The following PKIA variants were observed in gnomAD, a reference collection of about 807,000 sequenced individuals.
PKIA encodes the protein PKI-alpha.
PKIA carries 4 observed loss-of-function variants against 7.6 expected under a neutral mutation model. The observed-to-expected ratio is 0.52, with a 90% CI of 0.26 to 1.20. PKIA has a LOEUF of 1.20. Ranked by LOEUF, PKIA falls within the 50% of genes most tolerant of loss-of-function variation. The probability of loss-of-function intolerance (pLI) is 0.13; values close to 1 mark genes in which losing one functional copy is unlikely to be tolerated. For missense variants in PKIA, 73 were observed against 86.2 expected, an observed-to-expected ratio of 0.85 and a Z score of 0.61; for synonymous variants, 21 against 30.7, an observed-to-expected ratio of 0.68 and a Z score of 1.04.
At chr8:78,535,559 G>A (rs943465485) in intron 1 of PKIA, 1 of 151,790 alleles carries the variant, frequency 6.6e-6, no homozygotes, top group Non-Finnish European at 1.5e-5. Context: ...AAACTGCTGG[G>A]GGAGGAGGAA....
intron 1 of PKIA, among the ~76,000 whole-genome samples, chr8:78,525,017 A>G (rs1370268653): frequency 1.3e-5 from 2 of 151,878 alleles, no homozygotes; most frequent in Admixed American, 1.3e-4. Context: ...GGAGTAAATT[A>G]TGGATAGAAC....
chr8:78,593,842 T>A (rs764547063), intron 2 of PKIA, among the ~76,000 whole-genome samples: 1 of 148,022 alleles, frequency 6.8e-6, no homozygotes, highest in Non-Finnish European at 1.5e-5. Context: ...TATCTGGTAC[T>A]CAGGTCCTTC....
At chr8:78,582,826 C>T (rs909600963) in intron 2 of PKIA, among the ~76,000 whole-genome samples, 1 of 152,030 alleles carries the variant, frequency 6.6e-6, no homozygotes, top group Non-Finnish European at 1.5e-5. Flanking sequence ...TGTAAGAGGG[C>T]GATGATAAAG....
intron 1 of PKIA, among the ~76,000 whole-genome samples, chr8:78,542,535 T>C (rs1046219214): frequency 6.6e-6 from 1 of 152,162 alleles, no homozygotes; most frequent in Non-Finnish European, 1.5e-5. Flanking sequence ...CCAACCACTA[T>C]CTGTTCTGCA....
At chr8:78,587,150 T>A (rs992458132) in intron 2 of PKIA, among the ~76,000 whole-genome samples, 3 of 152,230 alleles carry the variant, frequency 2.0e-5, no homozygotes, top group African/African-American at 7.2e-5. Flanking sequence ...TGTTCTAATA[T>A]CCTTTGAAAA....
chr8:78,583,541 G>A (rs543706781), intron 2 of PKIA, among the ~76,000 whole-genome samples: 5 of 152,200 alleles, frequency 3.3e-5, no homozygotes, highest in African/African-American at 4.8e-5. Context: ...TGTAAGTCTC[G>A]AAATGCTGTT....
At chr8:78,565,674 C>T (rs1387585362) in intron 1 of PKIA, among the ~76,000 whole-genome samples, 1 of 151,916 alleles carries the variant, frequency 6.6e-6, no homozygotes, top group Admixed American at 6.6e-5. Flanking sequence ...CCTACATACA[C>T]AACCCTAAAG....
intron 1 of PKIA, among the ~76,000 whole-genome samples, chr8:78,518,319 T>C (rs1201268228): frequency 6.6e-6 from 1 of 152,210 alleles, no homozygotes; most frequent in African/African-American, 2.4e-5. Context: ...TGGTTTGAAA[T>C]ATTAACTTCT....
At chr8:78,597,580 T>C (rs903068551) in intron 2 of PKIA, among the ~76,000 whole-genome samples, 1 of 151,888 alleles carries the variant, frequency 6.6e-6, no homozygotes, top group Non-Finnish European at 1.5e-5. Context: ...ACTTTTTACT[T>C]AGCACCCCCC....
At chr8:78,574,847 C>T (rs1807636531) in intron 2 of PKIA, among the ~76,000 whole-genome samples, 1 of 151,876 alleles carries the variant, frequency 6.6e-6, no homozygotes, top group Non-Finnish European at 1.5e-5. Flanking sequence ...GGAGATGTAG[C>T]TATCATTTTT....
At chr8:78,553,524 T>C (rs1015878940) in intron 1 of PKIA, among the ~76,000 whole-genome samples, 2 of 152,054 alleles carry the variant, frequency 1.3e-5, no homozygotes, top group Non-Finnish European at 2.9e-5. Context: ...CTGTCTCTTA[T>C]GTAAATACTA....
intron 2 of PKIA, among the ~76,000 whole-genome samples, chr8:78,590,403 T>C (rs1808066441): frequency 6.6e-6 from 1 of 152,072 alleles, no homozygotes; most frequent in Non-Finnish European, 1.5e-5. Context: ...TGACTTCAGA[T>C]TCCACATTGA....
At chr8:78,524,186 A>ATATAAATATATG (rs1809494493) in intron 1 of PKIA, among the ~76,000 whole-genome samples, 1 of 128,800 alleles carries the variant, frequency 7.8e-6, no homozygotes, top group Non-Finnish European at 1.5e-5. Flanking sequence ...TTATATTTAT[A>ATATAAATATATG]TATAAACATT....
rs200826957 is a variant in PKIA at position 78,524,217 on chromosome 8, CATTT to C, written c.-157+7752_-157+7755del. Among the ~76,000 whole-genome samples the C allele has an allele frequency of 3.0e-4, 38 of 127,272 alleles. No individual in the cohort carries two copies. The East Asian group carries it at 6.9e-3, about 23-fold the overall frequency. The allele number at this position is 127,272 out of a possible 152,430, so 83.5% of individuals were successfully genotyped here. A position where few individuals can be genotyped will look rare whatever the true frequency, so the allele number is the denominator to read the frequency against. On this transcript the variant is annotated intron_variant, in intron 1 of 3. Coordinates refer to ENST00000396418, the MANE Select transcript of PKIA (RefSeq NM_006823.4). ...ACATTTATATTTATATATATATAAA[CATTT>C]ATATTTATATATAAATATATATGTT...
At chr8:78,548,994 T>G (rs1216130850) in intron 1 of PKIA, among the ~76,000 whole-genome samples, 1 of 152,094 alleles carries the variant, frequency 6.6e-6, no homozygotes, top group South Asian at 2.1e-4. Flanking sequence ...AAGGTATATG[T>G]GTTGACATTA....
intron 2 of PKIA, among the ~76,000 whole-genome samples, chr8:78,581,966 A>T (rs2130207071): frequency 6.6e-6 from 1 of 152,180 alleles, no homozygotes; most frequent in South Asian, 2.1e-4. Context: ...AGCCATTTTT[A>T]CTGTCTTTTT....
chr8:78,592,364 T>C (rs1808121293), intron 2 of PKIA, among the ~76,000 whole-genome samples: 1 of 152,112 alleles, frequency 6.6e-6, no homozygotes, highest in Non-Finnish European at 1.5e-5. Flanking sequence ...CAATGAAATA[T>C]TACTTTTATA....
chr8:78,595,473 T>C (rs1038037141), intron 2 of PKIA, among the ~76,000 whole-genome samples: 1 of 152,206 alleles, frequency 6.6e-6, no homozygotes, highest in South Asian at 2.1e-4. Context: ...GGGGTACATA[T>C]GCAGGTTTGT....
intron 1 of PKIA, among the ~76,000 whole-genome samples, chr8:78,565,886 A>AG (rs1300364090): frequency 1.3e-5 from 2 of 152,002 alleles, no homozygotes; most frequent in African/African-American, 4.8e-5. Context: ...TTATCTGGAG[A>AG]GATTTTAATT....
Sources: allele counts gnomAD v4.1 joint callset (sites outside exome capture counted in the v4.1 genomes callset), GRCh38; gene constraint gnomAD v4.1.1; transcripts MANE v1.5; gene names NCBI Gene and HGNC (gene_info 2026-07-23, HGNC 2026-07-21).